The following TSHR variants were observed in gnomAD, a reference collection of about 807,000 sequenced individuals.
TSHR encodes thyrotropin receptor.
TSHR carries 51 observed loss-of-function variants against 64.1 expected under a neutral mutation model. That is an observed-to-expected ratio of 0.80 (90% CI 0.64 to 1.01). TSHR has a LOEUF of 1.01. TSHR is among the 50% of genes least tolerant of loss of function. TSHR has a pLI of 0.00. For synonymous variants in TSHR, 361 were observed against 361.9 expected, an observed-to-expected ratio of 1.00 and a Z score of 0.03; for missense variants, 877 against 942.8, an observed-to-expected ratio of 0.93 and a Z score of 0.91.
chr14:80,997,760 T>A (rs1284175790), intron 1 of TSHR, among the ~76,000 whole-genome samples: 1 of 152,244 alleles, frequency 6.6e-6, no homozygotes, highest in African/African-American at 2.4e-5. Context: ...ATCCTGGGTG[T>A]TGAAACTAGG....
In TSHR at chr14:81,103,106, A is replaced by T; in HGVS notation, c.615-5269A>T. The T allele has an allele frequency of 1.0e-6, 1 of 985,418 alleles. No individual in the cohort carries two copies. The highest frequency in any genetic ancestry group is 4.7e-5 in the South Asian group (1 of 21,284). The allele number at this position is 985,418 out of a possible 1,614,324, so 61.0% of individuals were successfully genotyped here. A position where few individuals can be genotyped will look rare whatever the true frequency, so the allele number is the denominator to read the frequency against. ...GTGTAAAATCAAAATGATGGTTGTG[A>T]TAAGGAGCCCTGGGACTGGAGGAAG... On this transcript the variant is annotated intron_variant, in intron 7 of 9. Coordinates refer to ENST00000298171, the MANE Select transcript of TSHR (RefSeq NM_000369.5). This position sits in a 1 kb window ranked among gnomAD's most constrained non-coding sequence, Gnocchi z 4.1.
chr14:81,083,468 TAA>T (rs10604790), intron 3 of TSHR, among the ~76,000 whole-genome samples: 25,076 of 144,514 alleles, frequency 0.17, 2,499 homozygotes, highest in African/African-American at 0.29. Context: ...AAACCTCATT[TAA>T]AAAAAAAAAA....
At chr14:80,973,429 A>AAAAAAAAAAAAAAAAAAAAAAAAAAAAC (rs1566743346) in intron 1 of TSHR, among the ~76,000 whole-genome samples, 1 of 146,236 alleles carries the variant, frequency 6.8e-6, no homozygotes, top group African/African-American at 2.5e-5. Flanking sequence ...AAAAAAAAAA[A>AAAAAAAAAAAAAAAAAAAAAAAAAAAAC]TCTGTGTACT....
intron 3 of TSHR, among the ~76,000 whole-genome samples, chr14:81,082,759 C>T (rs1888001684): frequency 6.6e-6 from 1 of 152,162 alleles, no homozygotes; most frequent in Non-Finnish European, 1.5e-5. Context: ...TCTCTTCTGA[C>T]ATCATCTAAC....
At chr14:81,115,557 G>T (rs376550587) in intron 8 of TSHR, among the ~76,000 whole-genome samples, 7,249 of 146,676 alleles carry the variant, frequency 0.049, 513 homozygotes, top group East Asian at 0.19. Flanking sequence ...CATCTGATTG[G>T]TGTACCTGAA....
At chr14:81,111,124 G>A (rs187092325) in intron 8 of TSHR, among the ~76,000 whole-genome samples, 1 of 152,308 alleles carries the variant, frequency 6.6e-6, no homozygotes, top group African/African-American at 2.4e-5. Flanking sequence ...GAGATTGAAA[G>A]AATTTGAAGA....
intron 1 of TSHR, among the ~76,000 whole-genome samples, chr14:81,010,748 C>T (rs1390271973): frequency 6.6e-6 from 1 of 152,066 alleles, no homozygotes; most frequent in South Asian, 2.1e-4. Context: ...ACCTTAAAGA[C>T]AATACTTCTA....
At chr14:81,131,374 C>A (rs529236498) in intron 8 of TSHR, among the ~76,000 whole-genome samples, 126 of 152,312 alleles carry the variant, frequency 8.3e-4, no homozygotes, top group African/African-American at 2.9e-3. Flanking sequence ...ACTTTGGTAA[C>A]TTTCAAAGCA....
rs1238032648 is a variant in TSHR, at chr14:81,143,831, A to G, written c.1773A>G (p.Ile591Met). The G allele has an allele frequency of 2.5e-6, 4 of 1,614,040 alleles. No homozygotes were observed. The highest frequency in any genetic ancestry group is 2.5e-6 in the Non-Finnish European group (3 of 1,180,004). ...TTGTTTTTGTTCTGACGCTCAACAT[A>G]GTTGCCTTCGTCATCGTCTGCTGCT... ...AYIVFVLTLN[I>M]VAFVIVCCCY... is the part of the protein sequence containing the mutation. Residue 591 changes from isoleucine (I) to methionine (M), a missense_variant, in exon 10 of 10, where the codon ATA becomes ATG. Physicochemically the swap from Ile to Met is conservative, Grantham distance 10. Coordinates refer to ENST00000298171, the MANE Select transcript of TSHR (RefSeq NM_000369.5).
At chr14:81,036,183 C>T (rs12323799) in intron 1 of TSHR, among the ~76,000 whole-genome samples, 37,162 of 152,020 alleles carry the variant, frequency 0.24, 4,666 homozygotes, top group South Asian at 0.33. Flanking sequence ...AAAAAAACAA[C>T]AGTTAAAAAC....
chr14:81,060,237 C>T (rs1886134712), intron 1 of TSHR, among the ~76,000 whole-genome samples: 1 of 152,120 alleles, frequency 6.6e-6, no homozygotes, highest in African/African-American at 2.4e-5. Context: ...TATCTTTGAG[C>T]TTAAACTCAA....
chr14:80,967,182 A>G (rs1966424), intron 1 of TSHR, among the ~76,000 whole-genome samples: 4 of 43,666 alleles, frequency 9.2e-5, no homozygotes, highest in African/African-American at 1.8e-4. Context: ...ATATATATGT[A>G]TGTGTATATA....
In TSHR at chr14:81,081,037, C is replaced by T. The variant is rs1050966911; in HGVS notation, c.318-6917C>T. ...GTCAAATATGAAATACTAAGCCAGG[C>T]GCAGAGGCACGAACCTTTAGTCACA... On this transcript the variant is annotated intron_variant, in intron 3 of 9. Coordinates refer to ENST00000298171, the MANE Select transcript of TSHR (RefSeq NM_000369.5). Among the ~76,000 whole-genome samples the T allele has an allele frequency of 7.9e-5, 12 of 152,170 alleles. No homozygotes were observed. The South Asian group carries it at 1.0e-3, about 13-fold the overall frequency.
intron 8 of TSHR, among the ~76,000 whole-genome samples, chr14:81,114,673 C>T (rs887323009): frequency 2.0e-5 from 3 of 152,182 alleles, no homozygotes; most frequent in Non-Finnish European, 2.9e-5. Flanking sequence ...TGGGTGGAGC[C>T]CACCACAGCT....
intron 4 of TSHR, among the ~76,000 whole-genome samples, chr14:81,089,676 T>G (rs1252598540): frequency 6.6e-6 from 1 of 152,204 alleles, no homozygotes; most frequent in Admixed American, 6.5e-5. Context: ...AAGGGACTTG[T>G]TTGAGATTTT....
chr14:81,028,322 C>A (rs1884175317), intron 1 of TSHR, among the ~76,000 whole-genome samples: 2 of 151,886 alleles, frequency 1.3e-5, no homozygotes. Context: ...AAAATTTAAT[C>A]GCAAAATAGT....
intron 1 of TSHR, among the ~76,000 whole-genome samples, chr14:81,018,404 T>G (rs974827055): frequency 6.6e-6 from 1 of 152,220 alleles, no homozygotes; most frequent in African/African-American, 2.4e-5. Context: ...CACTTTCGCT[T>G]TCCCAAAGAT....
intron 8 of TSHR, among the ~76,000 whole-genome samples, chr14:81,110,265 G>A (rs2140036892): frequency 6.6e-6 from 1 of 152,314 alleles, no homozygotes; most frequent in Middle Eastern, 3.4e-3. Context: ...GACTGTATTT[G>A]AAGATAGGGT....
chr14:81,054,792 C>T (rs1447802268), intron 1 of TSHR, among the ~76,000 whole-genome samples: 5 of 152,082 alleles, frequency 3.3e-5, no homozygotes, highest in African/African-American at 1.2e-4. Context: ...CAAGATGTGA[C>T]TTGGGTGCTG....
Sources: allele counts gnomAD v4.1 joint callset (sites outside exome capture counted in the v4.1 genomes callset), GRCh38; gene constraint gnomAD v4.1.1; non-coding constraint Gnocchi (gnomAD v3.1); transcripts MANE v1.5; gene names NCBI Gene and HGNC (gene_info 2026-07-23, HGNC 2026-07-21).